Variants in CROCC2 observed in about 807,000 individuals in gnomAD.
The protein encoded by CROCC2 is ciliary rootlet coiled-coil protein 2.
Under a neutral mutation model 177.6 loss-of-function variants are expected in CROCC2, and 163 were observed. The ratio of observed to expected loss-of-function variants is 0.92; its 90% confidence interval spans 0.81 to 1.05. CROCC2 has a LOEUF of 1.05. Among genes scored for constraint, CROCC2 ranks in the 50% least tolerant of loss-of-function variants. The pLI is 0.00. For synonymous variants in CROCC2, 904 were observed against 787.3 expected (o/e 1.15, Z -2.48); for missense variants, 1,929 against 1,797.8 (o/e 1.07, Z -1.32).
Position 240,925,710 on chromosome 2 carries a change from G to C in CROCC2, c.489-14G>C. 1 of 709,660 alleles carries C rather than the reference G, an allele frequency of 1.4e-6. No homozygotes were observed. The highest frequency in any genetic ancestry group is 2.6e-6 in the Non-Finnish European group (1 of 381,296). 44.0% of individuals were successfully genotyped at this position (709,660 alleles called of 1,614,324 possible). ...CTTCCTACCCCCACCATGCCCTGTG[G>C]GTTCTCTGTCCAGGAGCACCGGCCT... On this transcript the variant is annotated splice_polypyrimidine_tract_variant and intron_variant, in intron 4 of 31. Transcript: ENST00000690015.
chr2:240,985,805 A>G (rs973944898), intron 28 of CROCC2: 1 of 371,286 alleles, frequency 2.7e-6, no homozygotes, highest in African/African-American at 2.2e-5. Context: ...CACTCCACAC[A>G]CACCCAGGCA....
chr2:240,935,184 TG>T, intron 13 of CROCC2, 122 bp downstream of exon 13: 1 of 1,258,548 alleles, frequency 7.9e-7, no homozygotes, highest in Non-Finnish European at 1.0e-6. Flanking sequence ...TTTGAGGTTT[TG>T]GGGACAAGGG....
At chr2:240,915,524 G>C (rs1056846745) in intron 1 of CROCC2, among the ~76,000 whole-genome samples, 3 of 152,224 alleles carry the variant, frequency 2.0e-5, no homozygotes, top group African/African-American at 7.2e-5. Context: ...CATGAGGTGG[G>C]GGGTAACACC....
At chr2:240,929,657 T>C (rs2059415312) in intron 5 of CROCC2, 1 of 455,752 alleles carries the variant, frequency 2.2e-6, no homozygotes, top group Non-Finnish European at 4.4e-6. Flanking sequence ...ACCTTCGAAG[T>C]GCCAGACCAA....
intron 1 of CROCC2, among the ~76,000 whole-genome samples, chr2:240,909,894 T>C (rs1013577939): frequency 2.6e-5 from 4 of 152,130 alleles, no homozygotes; most frequent in African/African-American, 7.2e-5. Flanking sequence ...AGCTATAGCC[T>C]GGGAGACCAT....
At chr2:240,946,291 G>T in intron 15 of CROCC2, 38 bp downstream of exon 15, 1 of 1,491,308 alleles carries the variant, frequency 6.7e-7, no homozygotes, top group South Asian at 1.3e-5. Flanking sequence ...TGTCCCACGT[G>T]TCCTTGCCCA....
chr2:240,916,290 C>T (rs2059319509), intron 1 of CROCC2, among the ~76,000 whole-genome samples: 1 of 151,890 alleles, frequency 6.6e-6, no homozygotes, highest in Non-Finnish European at 1.5e-5. Context: ...CAGCCCTTCT[C>T]TCCTCCGGGT....
At chr2:240,964,912 G>A (rs62186599) in intron 22 of CROCC2, among the ~76,000 whole-genome samples, 17 of 152,142 alleles carry the variant, frequency 1.1e-4, no homozygotes, top group African/African-American at 1.9e-4. Flanking sequence ...AACACCTTCC[G>A]GCATGCACAG....
At position 240,964,473 on chromosome 2, in the gene CROCC2, C is replaced by T. The variant is rs569171575; in HGVS notation, c.3313C>T (p.Arg1105Trp). 88 of 1,548,544 alleles carry T rather than the reference C, an allele frequency of 5.7e-5. No individual in the cohort carries two copies. The East Asian group carries it at 1.9e-3, about 33-fold the overall frequency. ...RAEQEKASFK[R>W]SKEEKEQKLL... ...CTGTGGCACCCTCGTCAGTTTTAAG[C>T]GGTCCAAGGAGGAGAAGGAGCAGAA... is the stretch of plus-strand genomic sequence containing the variant. The change falls in exon 22 of 32, where the codon CGG becomes TGG. Residue 1105 changes from arginine to tryptophan, a missense_variant. Arg to Trp is a moderately radical substitution (Grantham distance 101). Around this residue, in one of 3 missense-constraint regions of CROCC2, gnomAD observed 1,397 missense variants for 1,239.9 expected, o/e 1.13. Transcript: ENST00000690015.
chr2:240,949,958 C>T lies in CROCC2; in HGVS notation c.2652+256C>T, dbSNP rs963109664. Among the ~76,000 whole-genome samples the T allele has an allele frequency of 3.9e-5, 6 of 152,226 alleles. No individual in the cohort carries two copies. Among genetic ancestry groups the T allele is most frequent in the African/African-American group, 1.4e-4 (6 of 41,456 alleles). Reference sequence around the variant, plus strand: ...TGGAAGAGGCTGGAAGGGCTGCTGGCTGGTCTGGTGCAGTCTGAAGGATGA... The same window carrying T: ...TGGAAGAGGCTGGAAGGGCTGCTGGTTGGTCTGGTGCAGTCTGAAGGATGA... On this transcript the variant is annotated intron_variant, in intron 17 of 31. Coordinates refer to ENST00000690015, the MANE Select transcript of CROCC2 (RefSeq NM_001351305.2). The surrounding 1 kb of genome is among the most constrained non-coding windows in gnomAD (Gnocchi z 4.5).
At chr2:240,954,297 G>A (rs749629720) in intron 18 of CROCC2, among the ~76,000 whole-genome samples, 1 of 152,122 alleles carries the variant, frequency 6.6e-6, no homozygotes, top group African/African-American at 2.4e-5. Context: ...TTCCCAACAG[G>A]ATGCCCTGTC....
rs965332140 is a variant in CROCC2, at chr2:240,945,012, C to T, written c.2170-1048C>T. Among the ~76,000 whole-genome samples the T allele has an allele frequency of 2.0e-5, 3 of 152,170 alleles. No homozygotes were observed. The South Asian group carries it at 6.2e-4, about 32-fold the overall frequency. ...AGTGCAGTGGCATGATCTTGGCTCA[C>T]CATAACCTCTGCCTCCTGGGTTCAA... is the stretch of plus-strand genomic sequence containing the variant. On this transcript the variant is annotated intron_variant, in intron 14 of 31. Transcript: ENST00000690015.
chr2:240,949,081 G>T lies in CROCC2; in HGVS notation c.2466G>T (p.Ala822=). The change falls in exon 16 of 32, where the codon GCG becomes GCT. Residue 822 remains alanine (A), a synonymous_variant. Transcript: ENST00000690015. The surrounding 1 kb of genome is among the most constrained non-coding windows in gnomAD (Gnocchi z 4.5). ...LEEEARSAGL[A]RQALQVEMEQ... ...AGGAAGCCCGGAGCGCAGGACTCGCGCGGCAGGCCTTGCAAGGTGCTCCAA... is the reference window on the plus strand; with the variant it reads ...AGGAAGCCCGGAGCGCAGGACTCGCTCGGCAGGCCTTGCAAGGTGCTCCAA... The T allele has an allele frequency of 6.5e-7, 1 of 1,544,694 alleles. No homozygotes were observed. The highest frequency in any genetic ancestry group is 2.4e-5 in the East Asian group (1 of 40,870).
intron 28 of CROCC2, 54 bp downstream of exon 28, chr2:240,983,083 C>T (rs2059812534): frequency 6.6e-7 from 1 of 1,505,602 alleles, no homozygotes; most frequent in South Asian, 1.3e-5. Context: ...GGTGAACAGG[C>T]CTACAGGGAA....
intron 18 of CROCC2, chr2:240,950,756 C>T (rs1253562058): frequency 2.0e-6 from 1 of 491,552 alleles, no homozygotes; most frequent in Non-Finnish European, 3.6e-6. Flanking sequence ...TCCTTCCACC[C>T]AGCTACCCAT....
chr2:240,970,491 C>A lies in CROCC2; in HGVS notation c.4401+2229C>A, dbSNP rs2059712860. The stretch of plus-strand genomic sequence containing the variant: ...TTCCTGCCTGTCCTGTCTTGCATGG[C>A]AGGGATGATTTATTCATCCTCTTTT... On this transcript the variant is annotated intron_variant, in intron 27 of 31. Transcript: ENST00000690015. Among the ~76,000 whole-genome samples, 3 of 152,330 alleles carry A rather than the reference C, an allele frequency of 2.0e-5. No individual in the cohort carries two copies. The South Asian group carries it at 6.2e-4, about 32-fold the overall frequency.
At chr2:240,943,890 T>A (rs1156607845) in intron 14 of CROCC2, among the ~76,000 whole-genome samples, 1 of 152,216 alleles carries the variant, frequency 6.6e-6, no homozygotes, top group East Asian at 1.9e-4. Flanking sequence ...CTCACTTTAA[T>A]ATATTTCTCT....
At chr2:240,925,403 C>T (rs976982256) in intron 4 of CROCC2, among the ~76,000 whole-genome samples, 1 of 152,204 alleles carries the variant, frequency 6.6e-6, no homozygotes, top group Admixed American at 6.5e-5. Flanking sequence ...GCCCCTGGCA[C>T]CTTGTCTCAG....
Position 240,933,136 on chromosome 2 carries a change from G to C in CROCC2, c.1257G>C (p.Leu419=), listed in dbSNP as rs748343647. 1 of 1,550,182 alleles carries C rather than the reference G, an allele frequency of 6.5e-7. No homozygotes were observed. The highest frequency in any genetic ancestry group is 1.2e-5 in the South Asian group (1 of 84,058). The part of the protein sequence containing the change: ...IERRWRREQE[L]CLQLKSSQAL... ...AACTTACCCCACCCGAGCAGGAGCT[G>C]TGCCTGCAGCTGAAGTCCTCCCAGG... Residue 419 remains leucine (L), a synonymous_variant, in exon 10 of 32, where the codon CTG becomes CTC. Coordinates refer to ENST00000690015, the MANE Select transcript of CROCC2 (RefSeq NM_001351305.2).
Sources: gnomAD v4.1 joint callset for allele counts (sites outside exome capture counted in the v4.1 genomes callset) on GRCh38, gnomAD v4.1.1 for gene constraint, gnomAD v4.1.1 regional missense constraint, Gnocchi (gnomAD v3.1) non-coding constraint, MANE v1.5 for transcripts, NCBI Gene and HGNC (gene_info 2026-07-23, HGNC 2026-07-21) for gene names.